The following GALK2 variants were observed in gnomAD, a reference collection of about 807,000 sequenced individuals.
The protein encoded by GALK2 is N-acetylgalactosamine kinase.
In GALK2, 36 loss-of-function variants were observed where a neutral mutation model predicts 52.4. The ratio of observed to expected loss-of-function variants is 0.69; its 90% CI spans 0.53 to 0.91. The LOEUF is 0.91. Ranked by LOEUF, GALK2 falls within the 40% of genes least tolerant of loss-of-function variation. The pLI is 0.00. For missense variants in GALK2, 579 were observed against 559.1 expected (o/e 1.04, Z -0.36); for synonymous variants, 176 against 199.1 (o/e 0.88, Z 0.98).
intron 4 of GALK2, among the ~76,000 whole-genome samples, chr15:49,238,087 A>G (rs111875610): frequency 0.031 from 4,732 of 152,210 alleles, 147 homozygotes; most frequent in African/African-American, 0.071. Context: ...TTTTGTTGTT[A>G]TTTTAGTTAT....
intron 1 of GALK2, among the ~76,000 whole-genome samples, chr15:49,158,025 G>A (rs1200520593): frequency 3.3e-5 from 5 of 152,028 alleles, no homozygotes; most frequent in African/African-American, 7.2e-5. Flanking sequence ...GTGGAGAAAC[G>A]CCTGGGGAGA....
chr15:49,365,401 A>G (rs892481160), intron 3 of GALK2: 2 of 1,097,104 alleles, frequency 1.8e-6, no homozygotes, highest in African/African-American at 3.1e-5. Flanking sequence ...AACCAGTCTA[A>G]ACATCAACTC....
At chr15:49,301,403 G>A (rs1023537415) in intron 8 of GALK2, among the ~76,000 whole-genome samples, 3 of 152,156 alleles carry the variant, frequency 2.0e-5, no homozygotes, top group Admixed American at 6.5e-5. Context: ...GTCTAAGGGT[G>A]TGGTAGAGTG....
intron 8 of GALK2, among the ~76,000 whole-genome samples, chr15:49,308,154 C>T (rs2035697759): frequency 6.6e-6 from 1 of 152,276 alleles, no homozygotes; most frequent in East Asian, 1.9e-4. Flanking sequence ...TGCCTCAGAG[C>T]ACGGACTTTT....
chr15:49,363,303 C>G (rs745339240), intron 3 of GALK2, among the ~76,000 whole-genome samples: 2 of 152,076 alleles, frequency 1.3e-5, no homozygotes, highest in Non-Finnish European at 2.9e-5. Context: ...TTTCTTTGAG[C>G]AATGTTTTGT....
chr15:49,187,110 C>T (rs545986005), intron 1 of GALK2, among the ~76,000 whole-genome samples: 8 of 152,146 alleles, frequency 5.3e-5, no homozygotes, highest in Non-Finnish European at 8.8e-5. Context: ...TTGAGTATTA[C>T]GATCTAAGTC....
chr15:49,299,763 CTTTCTTTCTTTCTTTCT>C (rs1567037565), intron 8 of GALK2, among the ~76,000 whole-genome samples: 1 of 112,792 alleles, frequency 8.9e-6, no homozygotes, highest in Non-Finnish European at 1.9e-5. Context: ...TTCTTTCTTT[CTTTCTTTCTTTCTTTCT>C]TTCTTTCTTT....
intron 4 of GALK2, among the ~76,000 whole-genome samples, chr15:49,238,810 A>G (rs1595790309): frequency 6.6e-6 from 1 of 152,200 alleles, no homozygotes; most frequent in Admixed American, 6.5e-5. Flanking sequence ...GTTGTGCTGC[A>G]TGGAGATTTA....
chr15:49,231,827 G>A (rs1204728234), intron 3 of GALK2, among the ~76,000 whole-genome samples: 1 of 152,222 alleles, frequency 6.6e-6, no homozygotes, highest in Non-Finnish European at 1.5e-5. Flanking sequence ...CTGGGGCAAG[G>A]GGTGGGCTCC....
At chr15:49,327,437 G>T (rs1279791587) in intron 9 of GALK2, 3 of 152,456 alleles carry the variant, frequency 2.0e-5, no homozygotes, top group African/African-American at 7.2e-5. Flanking sequence ...TGTTCTAGGG[G>T]ACTGATTCTT....
chr15:49,237,428 T>G (rs941412851), intron 4 of GALK2, among the ~76,000 whole-genome samples: 1 of 152,214 alleles, frequency 6.6e-6, no homozygotes, highest in South Asian at 2.1e-4. Flanking sequence ...ACATTTTCAT[T>G]TAAACATTGC....
intron 5 of GALK2, among the ~76,000 whole-genome samples, chr15:49,253,955 G>T (rs1021167873): frequency 7.0e-6 from 1 of 143,858 alleles, no homozygotes; most frequent in African/African-American, 2.5e-5. Context: ...TCAGCCACTG[G>T]TATTGACAAT....
chr15:49,176,395 A>G (rs994014528), intron 1 of GALK2, among the ~76,000 whole-genome samples: 3 of 152,232 alleles, frequency 2.0e-5, no homozygotes, highest in African/African-American at 7.2e-5. Context: ...ATTCATGTTA[A>G]CTTGAATCTA....
At chr15:49,183,570 G>C (rs573206260) in intron 1 of GALK2, among the ~76,000 whole-genome samples, 2 of 152,162 alleles carry the variant, frequency 1.3e-5, no homozygotes, top group South Asian at 4.1e-4. Flanking sequence ...TTGGCTGGGC[G>C]TGGTGGCTCA....
chr15:49,201,569 T>C (rs2087777922), intron 2 of GALK2, among the ~76,000 whole-genome samples: 1 of 152,212 alleles, frequency 6.6e-6, no homozygotes, highest in Non-Finnish European at 1.5e-5. Context: ...TTGATGGTTT[T>C]ATATTTACTC....
chr15:49,288,289 T>C (rs2033589868), intron 7 of GALK2, among the ~76,000 whole-genome samples: 1 of 152,138 alleles, frequency 6.6e-6, no homozygotes, highest in African/African-American at 2.4e-5. Context: ...GAAGAGAAAT[T>C]ATACTGTTGC....
chr15:49,290,098 C>T (rs1221749244), intron 7 of GALK2, among the ~76,000 whole-genome samples: 1 of 152,182 alleles, frequency 6.6e-6, no homozygotes, highest in Non-Finnish European at 1.5e-5. Context: ...GACTTATAGC[C>T]CTGCTTCACA....
intron 1 of GALK2, among the ~76,000 whole-genome samples, chr15:49,162,295 T>C (rs1437684466): frequency 1.3e-5 from 2 of 152,246 alleles, no homozygotes; most frequent in Non-Finnish European, 2.9e-5. Flanking sequence ...TTGAGATTTG[T>C]CCAGGTTGTT....
chr15:49,299,706 A>ATTGCTTGCTTGCTTGC (rs1483737220), intron 8 of GALK2, among the ~76,000 whole-genome samples: 1 of 85,312 alleles, frequency 1.2e-5, no homozygotes, highest in African/African-American at 4.9e-5. Context: ...TCTTCTTGGT[A>ATTGCTTGCTTGCTTGC]TTGCTTTCTT....
Sources: allele counts gnomAD v4.1 joint callset (sites outside exome capture counted in the v4.1 genomes callset), GRCh38; gene constraint gnomAD v4.1.1; transcripts MANE v1.5; gene names NCBI Gene and HGNC (gene_info 2026-07-23, HGNC 2026-07-21).